Variants in SORBS2 observed in about 807,000 individuals in gnomAD.
The protein encoded by SORBS2 is sorbin and SH3 domain-containing protein 2.
SORBS2 carries 46 observed loss-of-function variants against 97.7 expected under a neutral mutation model. The ratio of observed to expected loss-of-function variants is 0.47; its 90% confidence interval spans 0.37 to 0.60. SORBS2 has a LOEUF of 0.60. Ranked by LOEUF, SORBS2 falls within the 20% of genes least tolerant of loss-of-function variation. The pLI is 0.00. For synonymous variants in SORBS2, 476 were observed against 473.4 expected (o/e 1.01, Z -0.07); for missense variants, 1,316 against 1,282.3 (o/e 1.03, Z -0.40).
chr4:185,744,083 T>C (rs1325627071), intron 2 of SORBS2, among the ~76,000 whole-genome samples: 1 of 135,174 alleles, frequency 7.4e-6, no homozygotes, highest in Non-Finnish European at 1.6e-5. Context: ...CCTCCTCCTC[T>C]TCCACTTCCC....
rs1379243747 is a variant in SORBS2, at chr4:185,943,082, T to A, written c.-338+13114A>T. The stretch of plus-strand genomic sequence containing the variant: ...GCAACAATAATTTTTAGAAGGCTTA[T>A]GACATTTTTCCTGATGAAACAGATT... On this transcript the variant is annotated intron_variant, in intron 1 of 20. Coordinates refer to the SORBS2 transcript ENST00000284776. Among the ~76,000 whole-genome samples the A allele has an allele frequency of 2.0e-5, 3 of 152,350 alleles. No individual in the cohort carries two copies. The East Asian group carries it at 5.8e-4, about 29-fold the overall frequency.
chr4:185,928,895 A>G (rs1386451958), intron 1 of SORBS2, among the ~76,000 whole-genome samples: 1 of 152,126 alleles, frequency 6.6e-6, no homozygotes, highest in Non-Finnish European at 1.5e-5. Context: ...AGGTATCTTC[A>G]AAGTCTAAGA....
Position 185,675,339 on chromosome 4 carries a change from C to T in SORBS2, c.-46+3084G>A, listed in dbSNP as rs147169265. 634 of 152,606 alleles carry T rather than the reference C, an allele frequency of 4.2e-3. 3 individuals are homozygous for T. The highest frequency in any genetic ancestry group is 0.012 in the African/African-American group (514 of 41,574). The allele number at this position is 152,606 out of a possible 1,614,324, so 9.5% of individuals were successfully genotyped here. On this transcript the variant is annotated intron_variant, in intron 4 of 20. Transcript: ENST00000284776. Reference sequence around the variant, plus strand: ...GCGAGTCTGCTCACTGACACTGGCACGGGCCTGTCTGTACAGTCACAGACG... The same window carrying T: ...GCGAGTCTGCTCACTGACACTGGCATGGGCCTGTCTGTACAGTCACAGACG...
intron 1 of SORBS2, among the ~76,000 whole-genome samples, chr4:185,801,223 G>T (rs151086012): frequency 6.6e-6 from 1 of 152,096 alleles, no homozygotes; most frequent in East Asian, 1.9e-4. Flanking sequence ...CTTTTTTAGG[G>T]CTGAATAATA....
chr4:185,751,360 C>T (rs950428942), intron 2 of SORBS2, among the ~76,000 whole-genome samples: 1 of 151,880 alleles, frequency 6.6e-6, no homozygotes, highest in Non-Finnish European at 1.5e-5. Flanking sequence ...ACGAGACAGG[C>T]TGAGACAAAG....
intron 1 of SORBS2, among the ~76,000 whole-genome samples, chr4:185,923,472 A>ATTTTTTTTTTAAT (rs2099261965): frequency 9.1e-6 from 1 of 110,478 alleles, no homozygotes; most frequent in African/African-American, 3.5e-5. Flanking sequence ...CTTTTTTTTA[A>ATTTTTTTTTTAAT]TTTTTTTTTT....
chr4:185,812,422 T>C (rs1388169809), intron 1 of SORBS2, among the ~76,000 whole-genome samples: 2 of 152,256 alleles, frequency 1.3e-5, no homozygotes, highest in African/African-American at 4.8e-5. Flanking sequence ...ATTTCACCGA[T>C]AGTGCAAGTG....
chr4:185,867,301 C>T (rs370110375), intron 1 of SORBS2, among the ~76,000 whole-genome samples: 9 of 152,300 alleles, frequency 5.9e-5, no homozygotes, highest in South Asian at 2.1e-4. Flanking sequence ...TGAGCCACCG[C>T]GCCTGGCCAG....
At chr4:185,868,444 C>T (rs911013859) in intron 1 of SORBS2, among the ~76,000 whole-genome samples, 1 of 151,638 alleles carries the variant, frequency 6.6e-6, no homozygotes, top group Non-Finnish European at 1.5e-5. Context: ...GCATGAGCCA[C>T]CGTGCCCAGC....
chr4:185,648,418 C>T (rs574926627), intron 3 of SORBS2, among the ~76,000 whole-genome samples: 4 of 151,066 alleles, frequency 2.6e-5, no homozygotes, highest in African/African-American at 7.3e-5. Context: ...ACCCGGGAGT[C>T]GGAGGTTGCA....
chr4:185,801,063 G>GCAACCAC (rs979235388), intron 1 of SORBS2, among the ~76,000 whole-genome samples: 167 of 152,168 alleles, frequency 1.1e-3, no homozygotes, highest in African/African-American at 4.0e-3. Context: ...CCAATTCCTG[G>GCAACCAC]CAACCACCAT....
intron 1 of SORBS2, among the ~76,000 whole-genome samples, chr4:185,880,154 G>A (rs2099236131): frequency 6.6e-6 from 1 of 152,170 alleles, no homozygotes; most frequent in Admixed American, 6.5e-5. Flanking sequence ...AGGCTGCCTC[G>A]ACCCTGCCTG....
At chr4:185,730,310 C>G (rs913202174) in intron 2 of SORBS2, among the ~76,000 whole-genome samples, 2 of 125,286 alleles carry the variant, frequency 1.6e-5, no homozygotes, top group African/African-American at 6.1e-5. Flanking sequence ...AATATACTTT[C>G]TTTTTTTTTT....
rs549247240 is a variant in SORBS2, at chr4:185,923,070, T to G, written c.-338+33126A>C. On this transcript the variant is annotated intron_variant, in intron 1 of 20. Coordinates refer to the SORBS2 transcript ENST00000284776. ...TAGAATGGGAAGAATACTGGCTAAG[T>G]GTCAGTGAGGTTAAGAGCATTAAAG... 2.0e-5 allele frequency among the ~76,000 whole-genome samples: 3 copies of G among 152,272 alleles called. No individual in the cohort carries two copies. The South Asian group carries it at 6.2e-4, about 32-fold the overall frequency.
intron 1 of SORBS2, among the ~76,000 whole-genome samples, chr4:185,655,991 C>T: frequency 6.6e-6 from 1 of 152,166 alleles, no homozygotes; most frequent in African/African-American, 2.4e-5. Context: ...ACCAATGACA[C>T]CATTTCTGTC....
chr4:185,700,379 A>C (rs1314757345), intron 2 of SORBS2, among the ~76,000 whole-genome samples: 3 of 151,602 alleles, frequency 2.0e-5, no homozygotes, highest in Admixed American at 6.6e-5. Context: ...TCACAGAACG[A>C]TATGGTAGAG....
At chr4:185,621,835 C>T (rs1349392441) in intron 7 of SORBS2, among the ~76,000 whole-genome samples, 1 of 152,052 alleles carries the variant, frequency 6.6e-6, no homozygotes, top group Non-Finnish European at 1.5e-5. Context: ...TCTGTGTGAC[C>T]TTGGACGAAT....
intron 1 of SORBS2, among the ~76,000 whole-genome samples, chr4:185,831,388 G>A (rs1042598592): frequency 2.6e-5 from 4 of 152,170 alleles, no homozygotes; most frequent in Admixed American, 6.5e-5. Context: ...CTTGACTTTG[G>A]AAATAGTTTT....
At chr4:185,657,302 G>A (rs1194809234), upstream of SORBS2, 10 of 828,504 alleles carry the variant, frequency 1.2e-5, no homozygotes, top group Admixed American at 2.4e-4. Flanking sequence ...ATGAGAAGTC[G>A]GATGGCACGG....
Sources: allele counts gnomAD v4.1 joint callset (sites outside exome capture counted in the v4.1 genomes callset), GRCh38; gene constraint gnomAD v4.1.1; transcripts MANE v1.5; gene names NCBI Gene and HGNC (gene_info 2026-07-23, HGNC 2026-07-21).